The following MPPED2 variants were observed in gnomAD, a reference collection of about 807,000 sequenced individuals.
MPPED2 encodes metallophosphoesterase MPPED2.
A neutral mutation model predicts 33.0 loss-of-function variants in MPPED2; 5 were observed. The ratio of observed to expected loss-of-function variants is 0.15; its 90% confidence interval spans 0.08 to 0.32. The LOEUF (loss-of-function observed/expected upper bound fraction) is 0.32, where lower values mean the gene tolerates loss of function less well. Ranked by LOEUF, MPPED2 falls within the 10% of genes least tolerant of loss-of-function variation. The pLI is 1.00. For synonymous variants in MPPED2, 136 were observed against 141.9 expected (o/e 0.96, Z 0.29); for missense variants, 275 against 372.1 (o/e 0.74, Z 2.15).
At chr11:30,392,213 C>G (rs775341158) in intron 6 of MPPED2, among the ~76,000 whole-genome samples, 94 of 152,262 alleles carry the variant, frequency 6.2e-4, no homozygotes, top group Non-Finnish European at 1.3e-3. Flanking sequence ...CTAATGGTTT[C>G]TTTGTTTGAT....
chr11:30,393,833 G>C (rs1030527893), intron 6 of MPPED2, among the ~76,000 whole-genome samples: 4 of 151,994 alleles, frequency 2.6e-5, no homozygotes. Context: ...ACTTGTTTTT[G>C]GTGTGCAGTT....
chr11:30,439,201 C>T lies in MPPED2; in HGVS notation c.537-21568G>A, dbSNP rs566674134. ...TTCAGAAAAGAACAAAACCTTCAAA[C>T]CTCTAAAAGTTTGCCAGTCACTAAT... is the stretch of plus-strand genomic sequence containing the variant. On this transcript the variant is annotated intron_variant, in intron 4 of 6. Transcript: ENST00000358117. Among the ~76,000 whole-genome samples, 6 of 152,256 alleles carry T rather than the reference C, an allele frequency of 3.9e-5. 1 individual carries two copies. The South Asian group carries it at 1.2e-3, about 32-fold the overall frequency.
At chr11:30,559,459 T>A (rs1319743407) in intron 2 of MPPED2, among the ~76,000 whole-genome samples, 1 of 152,226 alleles carries the variant, frequency 6.6e-6, no homozygotes, top group Non-Finnish European at 1.5e-5. Context: ...TTTGTGGAAA[T>A]TTATTGCATG....
intron 4 of MPPED2, among the ~76,000 whole-genome samples, chr11:30,475,021 T>C (rs1470411378): frequency 6.6e-6 from 1 of 152,198 alleles, no homozygotes; most frequent in African/African-American, 2.4e-5. Context: ...GAATGTAAGT[T>C]ATGGTGAGCA....
At chr11:30,451,855 C>A (rs1950078312) in intron 4 of MPPED2, 8 of 985,120 alleles carry the variant, frequency 8.1e-6, no homozygotes, top group Non-Finnish European at 9.6e-6. Flanking sequence ...AGCTGGAGAT[C>A]TGGAGACAGC....
intron 2 of MPPED2, among the ~76,000 whole-genome samples, chr11:30,564,245 ATC>A (rs1263852645): frequency 5.3e-5 from 8 of 152,022 alleles, no homozygotes; most frequent in Non-Finnish European, 1.0e-4. Flanking sequence ...TTTCATGTAT[ATC>A]TATCCATTCA....
intron 3 of MPPED2, among the ~76,000 whole-genome samples, chr11:30,502,253 A>C (rs989292560): frequency 6.6e-6 from 1 of 152,192 alleles, no homozygotes; most frequent in Non-Finnish European, 1.5e-5. Context: ...ACAACTTGAT[A>C]AAGTTTGACT....
At chr11:30,444,811 CATT>C (rs1949732534) in intron 4 of MPPED2, among the ~76,000 whole-genome samples, 1 of 152,080 alleles carries the variant, frequency 6.6e-6, no homozygotes, top group South Asian at 2.1e-4. Context: ...CTGATGGTAG[CATT>C]ATTATCTTAA....
At chr11:30,476,361 T>C (rs993138023) in intron 4 of MPPED2, among the ~76,000 whole-genome samples, 3 of 152,054 alleles carry the variant, frequency 2.0e-5, no homozygotes, top group East Asian at 1.9e-4. Context: ...GATTAAGTTT[T>C]CTTCTAGAAG....
At chr11:30,536,262 G>A (rs897813119) in intron 2 of MPPED2, 87 bp from the exon 3 acceptor site, 7 of 1,183,468 alleles carry the variant, frequency 5.9e-6, no homozygotes, top group Admixed American at 3.4e-5. Context: ...ATTATTATTC[G>A]TGAATGCACC....
At chr11:30,451,360 T>C (rs1159356214) in intron 4 of MPPED2, among the ~76,000 whole-genome samples, 1 of 152,220 alleles carries the variant, frequency 6.6e-6, no homozygotes, top group Non-Finnish European at 1.5e-5. Flanking sequence ...TGTCAAGACT[T>C]AGAAATGCAA....
chr11:30,557,918 T>C (rs1009461017), intron 2 of MPPED2, among the ~76,000 whole-genome samples: 3 of 152,196 alleles, frequency 2.0e-5, no homozygotes, highest in African/African-American at 7.2e-5. Flanking sequence ...ATTTTATTCC[T>C]TGGGCGTGTT....
intron 2 of MPPED2, among the ~76,000 whole-genome samples, chr11:30,557,391 T>C (rs1039347811): frequency 6.6e-6 from 1 of 151,960 alleles, no homozygotes; most frequent in South Asian, 2.1e-4. Context: ...AAATATACTT[T>C]GGAAATTTAT....
intron 2 of MPPED2, among the ~76,000 whole-genome samples, chr11:30,562,872 T>C (rs189331688): frequency 7.7e-4 from 118 of 152,308 alleles, no homozygotes; most frequent in Non-Finnish European, 1.3e-3. Flanking sequence ...TTAAATATTA[T>C]TTATTTCAGA....
At chr11:30,468,058 C>G (rs1950788803) in intron 4 of MPPED2, among the ~76,000 whole-genome samples, 1 of 152,166 alleles carries the variant, frequency 6.6e-6, no homozygotes, top group Non-Finnish European at 1.5e-5. Context: ...CAGTGTATCC[C>G]AAGCTTCAGT....
rs984332873 is a variant in MPPED2 at position 30,410,382 on chromosome 11, A to G, written c.*1086T>C. The G allele has an allele frequency of 3.0e-6, 3 of 985,740 alleles. No homozygotes were observed. The South Asian group carries it at 1.4e-4, about 46-fold the overall frequency. The allele number at this position is 985,740 out of a possible 1,614,324, so 61.1% of individuals were successfully genotyped here. A position where few individuals can be genotyped will look rare whatever the true frequency, so the allele number is the denominator to read the frequency against. ...TTACAATGGGAAAACAGAAATGACT[A>G]TTAGCGACAATATTTTGTGCTAGCG... is the stretch of plus-strand genomic sequence containing the variant. On this transcript the variant is annotated 3_prime_UTR_variant, in exon 7 of 7. Coordinates refer to ENST00000358117, the MANE Select transcript of MPPED2 (RefSeq NM_001584.3).
rs190920870 is a variant in MPPED2, at chr11:30,498,450, T to C, written c.311-2929A>G. ...AAATACAAAAATTAGCCGGGTGTGGTAGCAGGAGAATTGCTTGAACCCCGG... is the reference window on the plus strand; with the variant it reads ...AAATACAAAAATTAGCCGGGTGTGGCAGCAGGAGAATTGCTTGAACCCCGG... On this transcript the variant is annotated intron_variant, in intron 3 of 6. Transcript: ENST00000358117. Among the ~76,000 whole-genome samples the C allele has an allele frequency of 5.0e-4, 76 of 151,174 alleles. 1 individual carries two copies. In the East Asian group the frequency reaches 0.014, roughly 28 times the overall value.
At chr11:30,572,979 G>A (rs1956771580) in intron 2 of MPPED2, among the ~76,000 whole-genome samples, 1 of 152,200 alleles carries the variant, frequency 6.6e-6, no homozygotes, top group Admixed American at 6.5e-5. Context: ...CTGAAATTCA[G>A]AGAGGCCCTA....
chr11:30,521,591 C>A (rs899454014), intron 3 of MPPED2, among the ~76,000 whole-genome samples: 1 of 152,196 alleles, frequency 6.6e-6, no homozygotes, highest in Non-Finnish European at 1.5e-5. Flanking sequence ...ACATTTGTTA[C>A]AAATTTCATT....
Sources: allele counts gnomAD v4.1 joint callset (sites outside exome capture counted in the v4.1 genomes callset), GRCh38; gene constraint gnomAD v4.1.1; transcripts MANE v1.5; gene names NCBI Gene and HGNC (gene_info 2026-07-23, HGNC 2026-07-21).